TMEM260: variants seen among roughly 807,000 people sequenced by gnomAD.
TMEM260 encodes the protein transmembrane protein 260.
In TMEM260, 82 loss-of-function variants were observed where a neutral mutation model predicts 88.9. The observed-to-expected ratio is 0.92, with a 90% CI of 0.77 to 1.11. The LOEUF is 1.11. Ranked by LOEUF, TMEM260 falls within the 50% of genes least tolerant of loss-of-function variation. The pLI, the probability that TMEM260 is intolerant of heterozygous loss-of-function variation, is 0.00. For missense variants in TMEM260, 902 were observed against 853.4 expected (o/e 1.06, Z -0.71); for synonymous variants, 314 against 309.3 (o/e 1.02, Z -0.16).
intron 15 of TMEM260, among the ~76,000 whole-genome samples, chr14:56,637,978 C>G (rs977081356): frequency 1.1e-4 from 16 of 151,222 alleles, no homozygotes; most frequent in Non-Finnish European, 1.9e-4. Flanking sequence ...AGCCCTGGAC[C>G]AGAGCAAGCT....
chr14:56,581,229 C>A (rs1885110791), intron 1 of TMEM260, among the ~76,000 whole-genome samples: 1 of 152,138 alleles, frequency 6.6e-6, no homozygotes, highest in Non-Finnish European at 1.5e-5. Context: ...GGAACTTCGT[C>A]AGTAAACCCA....
At chr14:56,602,875 A>G (rs541005863) in intron 3 of TMEM260, among the ~76,000 whole-genome samples, 134 of 152,310 alleles carry the variant, frequency 8.8e-4, no homozygotes, top group Middle Eastern at 3.4e-3. Context: ...ACAAAAGGAT[A>G]CAGTTGAAAA....
At chr14:56,615,324 A>G (rs1247849088) in intron 7 of TMEM260, 1 of 152,196 alleles carries the variant, frequency 6.6e-6, no homozygotes, top group Non-Finnish European at 1.5e-5. Flanking sequence ...CTCAAATTTT[A>G]ACACCTGAAA....
intron 5 of TMEM260, among the ~76,000 whole-genome samples, chr14:56,607,047 A>G (rs1008777640): frequency 6.6e-6 from 1 of 152,234 alleles, no homozygotes; most frequent in Non-Finnish European, 1.5e-5. Context: ...TGTCTTTAAC[A>G]GTGGTTTTAT....
intron 3 of TMEM260, among the ~76,000 whole-genome samples, chr14:56,598,120 G>A (rs946314300): frequency 6.6e-6 from 1 of 152,052 alleles, no homozygotes; most frequent in Admixed American, 6.5e-5. Flanking sequence ...AATCAAGATG[G>A]TGGATAAAGT....
intron 15 of TMEM260, among the ~76,000 whole-genome samples, chr14:56,637,566 C>G (rs1889207963): frequency 6.6e-6 from 1 of 152,266 alleles, no homozygotes; most frequent in South Asian, 2.1e-4. Flanking sequence ...AGAGTCTGCT[C>G]TATAGGAAAC....
intron 13 of TMEM260, 47 bp downstream of exon 13, chr14:56,633,218 G>T (rs1016730395): frequency 1.4e-6 from 2 of 1,468,938 alleles, no homozygotes; most frequent in African/African-American, 1.4e-5. Context: ...TAGCAGTTTT[G>T]AATACCCAAA....
chr14:56,647,953 G>A lies in TMEM260; in HGVS notation c.*456G>A, dbSNP rs954165391. On this transcript the variant is annotated 3_prime_UTR_variant, in exon 16 of 16. Transcript: ENST00000261556. Reference sequence around the variant, plus strand: ...AAAAATGAATCATGTTAGGCTTTAGGTGAGAGTACATTTTTTACAAAGTAG... The same window carrying A: ...AAAAATGAATCATGTTAGGCTTTAGATGAGAGTACATTTTTTACAAAGTAG... 6.4e-6 allele frequency: 1 copy of A among 156,016 alleles called. No individual in the cohort carries two copies. The highest frequency in any genetic ancestry group is 1.4e-5 in the Non-Finnish European group (1 of 70,280). 9.7% of individuals were successfully genotyped at this position (156,016 alleles called of 1,614,324 possible). A position where few individuals can be genotyped will look rare whatever the true frequency, so the allele number is the denominator to read the frequency against.
intron 3 of TMEM260, among the ~76,000 whole-genome samples, chr14:56,593,925 G>C (rs1303873425): frequency 6.6e-6 from 1 of 150,952 alleles, no homozygotes; most frequent in Non-Finnish European, 1.5e-5. Flanking sequence ...CTGACCTCAT[G>C]ATCCACCCGC....
chr14:56,638,228 T>C (rs1889272074), intron 15 of TMEM260: 1 of 151,892 alleles, frequency 6.6e-6, no homozygotes. Flanking sequence ...TGGAGTTCTG[T>C]CTGGCAGTAA....
chr14:56,634,804 T>C, intron 13 of TMEM260, 95 bp from the exon 14 acceptor site: 1 of 1,085,636 alleles, frequency 9.2e-7, no homozygotes, highest in Non-Finnish European at 1.4e-6. Context: ...ATCGCACCAT[T>C]GCATTCCAGC....
rs1222478642 is a variant in TMEM260, at chr14:56,625,271, A to G, written c.1399-111A>G. Reference sequence around the variant, plus strand: ...TTGTGCTTATATTTTTCAATTATATATATATTAGGTTGGTGCAAAAGTAAT... The same window carrying G: ...TTGTGCTTATATTTTTCAATTATATGTATATTAGGTTGGTGCAAAAGTAAT... On this transcript the variant is annotated intron_variant, in intron 11 of 15. Transcript: ENST00000261556. 1.3e-5 allele frequency: 13 copies of G among 976,772 alleles called. No homozygotes were observed. The Middle Eastern group carries it at 6.9e-4, about 52-fold the overall frequency. The allele number at this position is 976,772 out of a possible 1,614,324, so 60.5% of individuals were successfully genotyped here.
At chr14:56,610,260 A>G (rs1046355672) in intron 6 of TMEM260, among the ~76,000 whole-genome samples, 4 of 151,628 alleles carry the variant, frequency 2.6e-5, no homozygotes, top group East Asian at 1.9e-4. Flanking sequence ...TGTTTGTTTG[A>G]GATGGATTCT....
rs1441959792 is a variant in TMEM260 at position 56,647,739 on chromosome 14, G to A, written c.*242G>A. The A allele has an allele frequency of 2.1e-6, 1 of 470,736 alleles. No individual in the cohort carries two copies. Among genetic ancestry groups the A allele is most frequent in the East Asian group, 4.0e-5 (1 of 25,112 alleles). The allele number at this position is 470,736 out of a possible 1,614,324, so 29.2% of individuals were successfully genotyped here. Reference sequence around the variant, plus strand: ...CATTTCAGTGAGAAGCTTTTGAAAAGTCTTCTGACTTCCAGTCTTTCACCA... The same window carrying A: ...CATTTCAGTGAGAAGCTTTTGAAAAATCTTCTGACTTCCAGTCTTTCACCA... On this transcript the variant is annotated 3_prime_UTR_variant, in exon 16 of 16. Transcript: ENST00000261556.
At chr14:56,609,452 TA>T (rs1009615499) in intron 6 of TMEM260, among the ~76,000 whole-genome samples, 167 bp downstream of exon 6, 8 of 152,340 alleles carry the variant, frequency 5.3e-5, no homozygotes, top group African/African-American at 1.9e-4. Context: ...TTGATATATG[TA>T]AGAGAAAAGT....
rs904912151 is a variant in TMEM260 at position 56,643,438 on chromosome 14, G to A, written c.1870-3805G>A. ...TGATTATCTCAATAGATGCAGAAAA[G>A]GCCTTTGACAAAATTCAACAACCCT... On this transcript the variant is annotated intron_variant, in intron 15 of 15. Coordinates refer to ENST00000261556, the MANE Select transcript of TMEM260 (RefSeq NM_017799.4). Among the ~76,000 whole-genome samples the A allele has an allele frequency of 3.4e-4, 51 of 152,022 alleles. No individual in the cohort carries two copies. The Middle Eastern group carries it at 0.01, about 30-fold the overall frequency.
the TMEM260 span, among the ~76,000 whole-genome samples, chr14:56,657,309 T>A: frequency 0.77 from 117,111 of 152,036 alleles, 45,659 homozygotes; most frequent in Non-Finnish European, 0.82. Context: ...CACTTTTTTT[T>A]TTACTTTTTT....
Position 56,609,959 on chromosome 14 carries a change from T to C in TMEM260, c.816+674T>C, listed in dbSNP as rs17091801. On this transcript the variant is annotated intron_variant, in intron 6 of 15. Coordinates refer to ENST00000261556, the MANE Select transcript of TMEM260 (RefSeq NM_017799.4). The stretch of plus-strand genomic sequence containing the variant: ...GTTTTTCTTTCTTGGTTTGTACTTT[T>C]GTGTCCTACTTAAGAAGGCAAGTCT... Among the ~76,000 whole-genome samples, 1,465 of 152,298 alleles carry C rather than the reference T, an allele frequency of 9.6e-3. 47 individuals carry two copies. In the East Asian group the frequency reaches 0.099, roughly 10 times the overall value.
intron 3 of TMEM260, among the ~76,000 whole-genome samples, chr14:56,590,400 A>G (rs77755265): frequency 6.6e-6 from 1 of 152,304 alleles, no homozygotes; most frequent in African/African-American, 2.4e-5. Context: ...CCTCCTGTTC[A>G]TGGGTTAATT....
Sources: allele counts gnomAD v4.1 joint callset (sites outside exome capture counted in the v4.1 genomes callset), GRCh38; gene constraint gnomAD v4.1.1; transcripts MANE v1.5; gene names NCBI Gene and HGNC (gene_info 2026-07-23, HGNC 2026-07-21).